The following SRSF7 variants were observed in gnomAD, a reference collection of about 807,000 sequenced individuals.
SRSF7 encodes serine and arginine rich splicing factor 7.
Under a neutral mutation model 42.2 loss-of-function variants are expected in SRSF7, and 15 were observed. The observed-to-expected ratio is 0.36, with a 90% CI of 0.24 to 0.55. The LOEUF (loss-of-function observed/expected upper bound fraction) is 0.55, where lower values mean the gene tolerates loss of function less well. Among genes scored for constraint, SRSF7 ranks in the 20% least tolerant of loss-of-function variants. The probability of loss-of-function intolerance (pLI) is 0.88; values close to 1 mark genes in which losing one functional copy is unlikely to be tolerated. For synonymous variants in SRSF7, 138 were observed against 107.9 expected, an observed-to-expected ratio of 1.28 and a Z score of -1.73; for missense variants, 181 against 305.9, an observed-to-expected ratio of 0.59 and a Z score of 3.04.
In SRSF7 at chr2:38,751,324, C is replaced by G; in HGVS notation, c.-68G>C. On this transcript the variant is annotated 5_prime_UTR_variant, in exon 1 of 8. Coordinates refer to ENST00000313117, the MANE Select transcript of SRSF7 (RefSeq NM_001031684.3). ...AGGGCTCGAGTGACGCAAAAGCTGA[C>G]ACACACCTTCACCCGCCAAGAGTCC... 2 of 1,606,236 alleles carry G rather than the reference C, an allele frequency of 1.2e-6. No homozygotes were observed. The highest frequency in any genetic ancestry group is 1.7e-6 in the Non-Finnish European group (2 of 1,174,548).
At position 38,746,962 on chromosome 2, in the gene SRSF7, A is replaced by T. The variant is rs187057364; in HGVS notation, c.573-215T>A. On this transcript the variant is annotated intron_variant, in intron 5 of 7. Coordinates refer to ENST00000313117, the MANE Select transcript of SRSF7 (RefSeq NM_001031684.3). The stretch of plus-strand genomic sequence containing the variant: ...ACTTGTTTCTATCACTCAATTGGTT[A>T]GTTTCTGTACAGGTATAACATTCTC... 1.2e-3 allele frequency: 870 copies of T among 754,484 alleles called. 5 individuals carry two copies. Among genetic ancestry groups the T allele is most frequent in the South Asian group, 5.5e-3 (330 of 60,086 alleles). 46.7% of individuals were successfully genotyped at this position (754,484 alleles called of 1,614,324 possible).
At chr2:38,746,851 C>A in intron 5 of SRSF7, 104 bp from the exon 6 acceptor site, 1 of 1,549,442 alleles carries the variant, frequency 6.5e-7, no homozygotes, top group Admixed American at 2.0e-5. Flanking sequence ...GAAGCTAAAA[C>A]TAAACAAGAT....
At position 38,744,782 on chromosome 2, in the gene SRSF7, A is replaced by G; in HGVS notation, c.*351T>C. On this transcript the variant is annotated 3_prime_UTR_variant, in exon 8 of 8. Transcript: ENST00000313117. ...GAATAGTGATGTTCAAGACTTAACCAACACCTTTCAATTCTGAATGTAGGT... is the reference window on the plus strand; with the variant it reads ...GAATAGTGATGTTCAAGACTTAACCGACACCTTTCAATTCTGAATGTAGGT... The G allele has an allele frequency of 4.6e-6, 1 of 215,838 alleles. No homozygotes were observed. The highest frequency in any genetic ancestry group is 9.3e-6 in the Non-Finnish European group (1 of 108,008). The allele number at this position is 215,838 out of a possible 1,614,324, so 13.4% of individuals were successfully genotyped here. A position where few individuals can be genotyped will look rare whatever the true frequency, so the allele number is the denominator to read the frequency against.
Position 38,749,688 on chromosome 2 carries a change from C to A in SRSF7, c.227G>T (p.Arg76Leu). ...GCCTGTCGATAGTTCAACCCTCACT[C>A]GGGAGCCACAAATCACCCTAATAAA... Reference protein sequence around the residue: ...GLDGKVICGSRVRVELSTGMP... With the variant: ...GLDGKVICGSLVRVELSTGMP... Residue 76 changes from arginine to leucine, a missense_variant, in exon 3 of 8, where the codon CGA becomes CTA. Physicochemically the swap from Arg to Leu is moderately radical, Grantham distance 102. Around this residue, in one of 2 missense-constraint regions of SRSF7, gnomAD observed 45 missense variants for 158.1 expected, o/e 0.28. Transcript: ENST00000313117. The A allele has an allele frequency of 6.4e-7, 1 of 1,557,904 alleles. No individual in the cohort carries two copies. Among genetic ancestry groups the A allele is most frequent in the Admixed American group, 2.2e-5 (1 of 44,524 alleles).
Position 38,744,568 on chromosome 2 carries a change from G to A in SRSF7, c.*565C>T. On this transcript the variant is annotated 3_prime_UTR_variant, in exon 8 of 8. Transcript: ENST00000313117. ...TCATGCTCATTTAGACACATCAGTG[G>A]TCCTACTTGCTTCACCACTGATCAT... is the stretch of plus-strand genomic sequence containing the variant. 1 of 152,500 alleles carries A rather than the reference G, an allele frequency of 6.6e-6. No individual in the cohort carries two copies. The highest frequency in any genetic ancestry group is 1.5e-5 in the Non-Finnish European group (1 of 68,312). 9.4% of individuals were successfully genotyped at this position (152,500 alleles called of 1,614,324 possible).
At chr2:38,750,567 G>A (rs527700806) in intron 1 of SRSF7, among the ~76,000 whole-genome samples, 1 of 151,758 alleles carries the variant, frequency 6.6e-6, no homozygotes, top group Admixed American at 6.6e-5. Context: ...GGAGGGCCTC[G>A]GTAGGGGCCG....
chr2:38,749,570 A>G lies in SRSF7; in HGVS notation c.345T>C (p.Tyr115=). The change falls in exon 3 of 8, where the codon TAT becomes TAC. Residue 115 remains tyrosine, a synonymous_variant. Coordinates refer to ENST00000313117, the MANE Select transcript of SRSF7 (RefSeq NM_001031684.3). The part of the protein sequence containing the change: ...RCYECGEKGH[Y]AYDCHRYSRR... ...GGCTGTAACGATGACAATCATAAGC[A>G]TAATGTCCCTTTTCGCCACACTCAT... is the stretch of plus-strand genomic sequence containing the variant. The G allele has an allele frequency of 6.3e-7, 1 of 1,592,582 alleles. No individual in the cohort carries two copies. Among genetic ancestry groups the G allele is most frequent in the Non-Finnish European group, 8.5e-7 (1 of 1,173,834 alleles).
At chr2:38,746,814 C>T (rs1418874439) in intron 5 of SRSF7, 67 bp from the exon 6 acceptor site, 14 of 1,602,446 alleles carry the variant, frequency 8.7e-6, no homozygotes, top group South Asian at 2.2e-5. Context: ...AACTACTCAA[C>T]ACTGTATTAG....
In SRSF7 at chr2:38,748,605, G is replaced by C; in HGVS notation, c.435C>G (p.Arg145=). The C allele has an allele frequency of 1.2e-5, 19 of 1,614,098 alleles. No individual in the cohort carries two copies. In the Admixed American group the frequency reaches 2.7e-4, roughly 23 times the overall value. The change falls in exon 4 of 8, where the codon CGC becomes CGG. Residue 145 remains arginine, a synonymous_variant. Coordinates refer to ENST00000313117, the MANE Select transcript of SRSF7 (RefSeq NM_001031684.3). The part of the protein sequence containing the change: ...HSRSRGRRYS[R]SRSRSRGRRS... ...TTCGTCCCCTGCTCCTGCTGCGTGA[G>C]CGAGAGTATCGCCTTCCTCTGGATC...
At chr2:38,746,666 G>C (rs1314080887) in intron 6 of SRSF7, 28 bp downstream of exon 6, 5 of 1,611,808 alleles carry the variant, frequency 3.1e-6, no homozygotes, top group Non-Finnish European at 4.2e-6. Flanking sequence ...CATATAACTA[G>C]AAAAGCATAA....
intron 3 of SRSF7, 135 bp downstream of exon 3, chr2:38,749,394 A>T (rs757248957): frequency 9.8e-5 from 152 of 1,550,180 alleles, no homozygotes; most frequent in Non-Finnish European, 1.3e-4. Context: ...ACATTTTTTT[A>T]ATTAAACAAA....
Position 38,749,505 on chromosome 2 carries a change from C to T in SRSF7, c.386+24G>A, listed in dbSNP as rs369322464. The T allele has an allele frequency of 4.5e-6, 7 of 1,553,296 alleles. No individual in the cohort carries two copies. The African/African-American group carries it at 9.7e-5, about 21-fold the overall frequency. On this transcript the variant is annotated intron_variant, in intron 3 of 7. Transcript: ENST00000313117. ...ATTACTTGATTAACTAGAATACCAACCATTCCTTTATTAAAATAAATACCT... is the reference window on the plus strand; with the variant it reads ...ATTACTTGATTAACTAGAATACCAATCATTCCTTTATTAAAATAAATACCT...
At chr2:38,749,985 G>A (rs73930958) in intron 2 of SRSF7, 29 bp downstream of exon 2, 34 of 1,582,852 alleles carry the variant, frequency 2.1e-5, no homozygotes, top group Non-Finnish European at 2.8e-5. Flanking sequence ...ATATTTTAAT[G>A]AACAGAAGAT....
At chr2:38,745,669 A>T (rs1039760081) in intron 7 of SRSF7, among the ~76,000 whole-genome samples, 4 of 152,092 alleles carry the variant, frequency 2.6e-5, no homozygotes, top group Non-Finnish European at 5.9e-5. Flanking sequence ...AAAAAAAAAA[A>T]ATTAGGCTAT....
At chr2:38,746,875 T>C in intron 5 of SRSF7, 128 bp from the exon 6 acceptor site, 2 of 1,463,546 alleles carry the variant, frequency 1.4e-6, no homozygotes, top group Non-Finnish European at 1.8e-6. Context: ...ACACTTGCCT[T>C]ATTCTGTCTA....
upstream of SRSF7, chr2:38,751,378 T>G (rs1668350789): frequency 7.3e-7 from 1 of 1,378,502 alleles, no homozygotes. Flanking sequence ...GAGCCCGGGT[T>G]CGCGTTTATA....
At chr2:38,751,182 C>CTCACTACACCCA in intron 1 of SRSF7, 47 bp downstream of exon 1, 1 of 1,612,840 alleles carries the variant, frequency 6.2e-7, no homozygotes, top group Non-Finnish European at 8.5e-7. Context: ...CCTCGCAGTG[C>CTCACTACACCCA]TCACTACACC....
chr2:38,750,016 T>C lies in SRSF7; in HGVS notation c.207A>G (p.Gly69=). ...DAEDAVRGLD[G]KVICGSRVRV... ...AAGATTCATAACATCTTACTTACTT[T>C]CCATCCAGTCCTCGTACTGCATCTT... The change falls in exon 2 of 8, where the codon GGA becomes GGG. Residue 69 remains glycine (G), a splice_region_variant and synonymous_variant. Coordinates refer to ENST00000313117, the MANE Select transcript of SRSF7 (RefSeq NM_001031684.3). 6.2e-7 allele frequency: 1 copy of C among 1,606,312 alleles called. No homozygotes were observed. The highest frequency in any genetic ancestry group is 8.5e-7 in the Non-Finnish European group (1 of 1,177,672).
chr2:38,745,340 T>A (rs2148475211), intron 7 of SRSF7, among the ~76,000 whole-genome samples, 153 bp from the exon 8 acceptor site: 1 of 152,316 alleles, frequency 6.6e-6, no homozygotes, highest in South Asian at 2.1e-4. Context: ...TATATTCATC[T>A]TTTGTCCCTG....
Sources: gnomAD v4.1 joint callset for allele counts (sites outside exome capture counted in the v4.1 genomes callset) on GRCh38, gnomAD v4.1.1 for gene constraint, gnomAD v4.1.1 regional missense constraint, MANE v1.5 for transcripts, NCBI Gene and HGNC (gene_info 2026-07-23, HGNC 2026-07-21) for gene names.